CFAP43: variants seen among roughly 807,000 people sequenced by gnomAD.
The protein encoded by CFAP43 is cilia and flagella associated protein 43.
In CFAP43, 155 loss-of-function variants were observed where a neutral mutation model predicts 218.9. The observed-to-expected ratio is 0.71, with a 90% confidence interval of 0.62 to 0.81. The LOEUF (loss-of-function observed/expected upper bound fraction) is 0.81, where lower values mean the gene tolerates loss of function less well. CFAP43 is among the 30% of genes least tolerant of loss of function. The probability of loss-of-function intolerance (pLI) is 0.00; values close to 1 mark genes in which losing one functional copy is unlikely to be tolerated. For synonymous variants in CFAP43, 645 were observed against 681.3 expected (o/e 0.95, Z 0.83); for missense variants, 1,778 against 1,954.3 (o/e 0.91, Z 1.70).
intron 11 of CFAP43, 76 bp downstream of exon 11, chr10:104,193,790 A>C: frequency 6.6e-7 from 1 of 1,508,632 alleles, no homozygotes; most frequent in Non-Finnish European, 8.9e-7. Context: ...TAAAATTAAA[A>C]GAAAGGATGG....
Position 104,161,955 on chromosome 10 carries a change from T to A in CFAP43, c.3414+6A>T. 6.2e-7 allele frequency: 1 copy of A among 1,612,130 alleles called. No homozygotes were observed. Among genetic ancestry groups the A allele is most frequent in the Non-Finnish European group, 8.5e-7 (1 of 1,179,158 alleles). On this transcript the variant is annotated splice_donor_region_variant and intron_variant, in intron 26 of 37. Transcript: ENST00000357060. ...CACCTTCTATAAGGATGAACAGAAA[T>A]ATCACCATTCTCAAAATATCTTCCT...
At chr10:104,195,319 G>A (rs1247883073) in intron 10 of CFAP43, among the ~76,000 whole-genome samples, 1 of 152,168 alleles carries the variant, frequency 6.6e-6, no homozygotes, top group African/African-American at 2.4e-5. Flanking sequence ...TGATTATATG[G>A]GCCCCTGGGT....
At chr10:104,213,771 G>A (rs967574257) in intron 4 of CFAP43, among the ~76,000 whole-genome samples, 2 of 152,090 alleles carry the variant, frequency 1.3e-5, no homozygotes, top group Non-Finnish European at 1.5e-5. Context: ...TCCTGACCTC[G>A]TGATCCGCCT....
intron 27 of CFAP43, among the ~76,000 whole-genome samples, chr10:104,160,563 G>A (rs947737443): frequency 6.6e-6 from 1 of 152,204 alleles, no homozygotes; most frequent in African/African-American, 2.4e-5. Context: ...AAAAGTAGCA[G>A]AACTGCACTG....
intron 4 of CFAP43, among the ~76,000 whole-genome samples, chr10:104,212,856 T>C (rs2090905874): frequency 6.6e-6 from 1 of 152,168 alleles, no homozygotes; most frequent in Admixed American, 6.5e-5. Flanking sequence ...TGAAAAACAA[T>C]CACATAAAAA....
At chr10:104,230,007 T>C (rs111716290) in intron 2 of CFAP43, among the ~76,000 whole-genome samples, 2 of 152,202 alleles carry the variant, frequency 1.3e-5, no homozygotes, top group African/African-American at 2.4e-5. Flanking sequence ...CAGATTCTGA[T>C]TGAGTAGCTC....
intron 12 of CFAP43, among the ~76,000 whole-genome samples, chr10:104,189,544 C>T (rs564201417): frequency 1.0e-3 from 158 of 152,308 alleles, no homozygotes; most frequent in Non-Finnish European, 1.9e-3. Context: ...TGCCTTCCTT[C>T]TTTAGGCTGT....
chr10:104,148,363 C>T (rs766667863), intron 28 of CFAP43, among the ~76,000 whole-genome samples: 5 of 152,152 alleles, frequency 3.3e-5, no homozygotes, highest in Non-Finnish European at 7.4e-5. Context: ...GTACTAAACA[C>T]TATCTTGACT....
Position 104,161,072 on chromosome 10 carries a change from T to G in CFAP43, c.3505A>C (p.Lys1169Gln), listed in dbSNP as rs192966094. The G allele has an allele frequency of 8.1e-6, 13 of 1,612,398 alleles. No homozygotes were observed. The Admixed American group carries it at 1.2e-4, about 14-fold the overall frequency. The change falls in exon 27 of 38, where the codon AAG becomes CAG. Residue 1169 changes from lysine (K) to glutamine (Q), a missense_variant. Lys to Gln is a moderately conservative substitution (Grantham distance 53). This residue lies in a region of CFAP43 where 1,553 missense variants were observed against 1,685.2 expected (regional missense o/e 0.92). Coordinates refer to ENST00000357060, the MANE Select transcript of CFAP43 (RefSeq NM_025145.7). Reference protein sequence around the residue: ...KQFKDYEKKVKELNEERDKYR... With the variant: ...KQFKDYEKKVQELNEERDKYR... ...TTATCTCTTTCTTCATTTAACTCCT[T>G]TACTTTTTTCTCATAATCTTTGAAT... is the stretch of plus-strand genomic sequence containing the variant.
At chr10:104,148,693 C>A (rs1251908372) in intron 28 of CFAP43, among the ~76,000 whole-genome samples, 1 of 152,184 alleles carries the variant, frequency 6.6e-6, no homozygotes, top group South Asian at 2.1e-4. Context: ...CTTCACCTGG[C>A]ATAAATGGAA....
At position 104,132,199 on chromosome 10, in the gene CFAP43, T is replaced by C. The variant is rs770538721; in HGVS notation, c.4597-3A>G. 5.1e-6 allele frequency: 8 copies of C among 1,580,500 alleles called. No homozygotes were observed. The highest frequency in any genetic ancestry group is 2.3e-5 in the East Asian group (1 of 44,390). Reference sequence around the variant, plus strand: ...TCATAGTTTGGTTCATTTAGGTACTTTGAGATTAAAAAAAAACATGTAAGG... The same window carrying C: ...TCATAGTTTGGTTCATTTAGGTACTCTGAGATTAAAAAAAAACATGTAAGG... On this transcript the variant is annotated splice_region_variant and splice_polypyrimidine_tract_variant and intron_variant, in intron 35 of 37. Coordinates refer to ENST00000357060, the MANE Select transcript of CFAP43 (RefSeq NM_025145.7).
intron 27 of CFAP43, among the ~76,000 whole-genome samples, chr10:104,160,069 C>T (rs1368802371): frequency 2.6e-5 from 4 of 152,108 alleles, no homozygotes; most frequent in African/African-American, 4.8e-5. Context: ...GCAGAGAAGG[C>T]AGAGTATCAG....
At chr10:104,190,348 G>A (rs572258335) in intron 12 of CFAP43, among the ~76,000 whole-genome samples, 1 of 152,148 alleles carries the variant, frequency 6.6e-6, no homozygotes, top group East Asian at 1.9e-4. Context: ...TAAAATAAAT[G>A]AAATGGAATA....
In CFAP43 at chr10:104,214,294, A is replaced by G. The variant is rs370894660; in HGVS notation, c.549T>C (p.Ile183=). 1 of 1,599,756 alleles carries G rather than the reference A, an allele frequency of 6.3e-7. No individual in the cohort carries two copies. Among genetic ancestry groups the G allele is most frequent in the Non-Finnish European group, 8.5e-7 (1 of 1,173,816 alleles). The part of the protein sequence containing the change: ...SSPSTVSVWT[I]ERSNQEHCFR... ...AACAATGCTCCTGGTTACTTCTTTC[A>G]ATGGTCCACACGCTCACTGTACTTG... Residue 183 remains isoleucine, a synonymous_variant, in exon 4 of 38, where the codon ATT becomes ATC. Coordinates refer to ENST00000357060, the MANE Select transcript of CFAP43 (RefSeq NM_025145.7).
chr10:104,164,000 C>A, intron 24 of CFAP43, 94 bp downstream of exon 24: 1 of 1,265,660 alleles, frequency 7.9e-7, no homozygotes, highest in Non-Finnish European at 1.1e-6. Flanking sequence ...CTACCCAGTA[C>A]AATCACTTCC....
At position 104,130,134 on chromosome 10, in the gene CFAP43, C is replaced by G; in HGVS notation, c.*5G>C. 1.3e-6 allele frequency: 2 copies of G among 1,565,942 alleles called. No individual in the cohort carries two copies. The highest frequency in any genetic ancestry group is 2.1e-5 in the Admixed American group (1 of 48,762). On this transcript the variant is annotated 3_prime_UTR_variant, in exon 38 of 38. Coordinates refer to ENST00000357060, the MANE Select transcript of CFAP43 (RefSeq NM_025145.7). ...ATTTGGCCTTGTGTTTTCCTGCCAGCGTTTTTACATTTGAACAAGAGCAGG... is the reference window on the plus strand; with the variant it reads ...ATTTGGCCTTGTGTTTTCCTGCCAGGGTTTTTACATTTGAACAAGAGCAGG...
At chr10:104,179,196 C>G in intron 18 of CFAP43, 90 bp from the exon 19 acceptor site, 20 of 1,133,742 alleles carry the variant, frequency 1.8e-5, no homozygotes, top group Non-Finnish European at 2.4e-5. Flanking sequence ...TCTCTAGAAA[C>G]AGAAACTAAA....
intron 8 of CFAP43, among the ~76,000 whole-genome samples, chr10:104,199,452 C>G (rs932853093): frequency 1.3e-5 from 2 of 152,176 alleles, no homozygotes; most frequent in African/African-American, 4.8e-5. Flanking sequence ...AGTGGATACA[C>G]AGCGCCAGTC....
intron 8 of CFAP43, among the ~76,000 whole-genome samples, chr10:104,203,237 A>G (rs1327757327): frequency 6.6e-6 from 1 of 152,152 alleles, no homozygotes; most frequent in Admixed American, 6.5e-5. Flanking sequence ...TAGACACGTG[A>G]TTCAGTCAGT....
Sources: gnomAD v4.1 joint callset for allele counts (sites outside exome capture counted in the v4.1 genomes callset) on GRCh38, gnomAD v4.1.1 for gene constraint, gnomAD v4.1.1 regional missense constraint, MANE v1.5 for transcripts, NCBI Gene and HGNC (gene_info 2026-07-23, HGNC 2026-07-21) for gene names.